The following FOSL2 variants were observed in gnomAD, a reference collection of about 807,000 sequenced individuals.
The protein encoded by FOSL2 is FOS like 2, AP-1 transcription factor subunit.
A neutral mutation model predicts 27.7 loss-of-function variants in FOSL2; 3 were observed. The ratio of observed to expected loss-of-function variants is 0.11; its 90% CI spans 0.05 to 0.28. The LOEUF is 0.28. Among genes scored for constraint, FOSL2 ranks in the 10% least tolerant of loss-of-function variants. FOSL2 has a pLI of 1.00. For missense variants in FOSL2, 333 were observed against 445.1 expected (o/e 0.75, Z 2.27); for synonymous variants, 179 against 190.1 (o/e 0.94, Z 0.48).
At chr2:28,407,531 C>A (rs1664108381) in intron 2 of FOSL2, among the ~76,000 whole-genome samples, 1 of 152,248 alleles carries the variant, frequency 6.6e-6, no homozygotes, top group South Asian at 2.1e-4. Flanking sequence ...CTCTTTCCTT[C>A]ATGGGGTGAC....
At chr2:28,401,595 A>G (rs1663975025) in intron 1 of FOSL2, among the ~76,000 whole-genome samples, 1 of 152,148 alleles carries the variant, frequency 6.6e-6, no homozygotes, top group Admixed American at 6.5e-5. Flanking sequence ...GGAAAAAAAT[A>G]GCTGTCTGGG....
At chr2:28,397,089 T>G (rs1308563842) in intron 1 of FOSL2, 1 of 152,200 alleles carries the variant, frequency 6.6e-6, no homozygotes, top group Non-Finnish European at 1.5e-5. Flanking sequence ...ATGCCACATA[T>G]TTAACCGTGG....
At chr2:28,403,430 G>C (rs990838537) in intron 1 of FOSL2, among the ~76,000 whole-genome samples, 1 of 152,140 alleles carries the variant, frequency 6.6e-6, no homozygotes, top group Non-Finnish European at 1.5e-5. Flanking sequence ...CAGCCAGTCT[G>C]CCCCAAGCAA....
rs939421647 is a variant in FOSL2, at chr2:28,393,595, A to T, written c.-126A>T. 4 of 666,610 alleles carry T rather than the reference A, an allele frequency of 6.0e-6. No homozygotes were observed. Among genetic ancestry groups the T allele is most frequent in the Non-Finnish European group, 1.0e-5 (4 of 391,430 alleles). The allele number at this position is 666,610 out of a possible 1,614,324, so 41.3% of individuals were successfully genotyped here. A position where few individuals can be genotyped will look rare whatever the true frequency, so the allele number is the denominator to read the frequency against. On this transcript the variant is annotated 5_prime_UTR_variant, in exon 1 of 4. Transcript: ENST00000264716. The surrounding 1 kb of genome is among the most constrained non-coding windows in gnomAD (Gnocchi z 4.6). ...GCCCTCCGCGGTGGGGGAGAAACCC[A>T]GGAGCGAAGCCCAGAGCCCGCGGCG...
rs1452008988 is a variant in FOSL2, at chr2:28,404,919, G to GT, written c.354+562dup. ...AGGGCCTGGAATGCATGTTCCAGAG[G>GT]TGCAGTAACTCTGGGGCCTTAGGAG... is the stretch of plus-strand genomic sequence containing the variant. On this transcript the variant is annotated intron_variant, in intron 2 of 3. Coordinates refer to ENST00000264716, the MANE Select transcript of FOSL2 (RefSeq NM_005253.4). The surrounding 1 kb of genome is among the most constrained non-coding windows in gnomAD (Gnocchi z 4.7). Among the ~76,000 whole-genome samples, 1 of 152,194 alleles carries GT rather than the reference G, an allele frequency of 6.6e-6. No individual in the cohort carries two copies. Among genetic ancestry groups the GT allele is most frequent in the Non-Finnish European group, 1.5e-5 (1 of 68,038 alleles).
At chr2:28,401,128 C>G (rs1032830239) in intron 1 of FOSL2, among the ~76,000 whole-genome samples, 4 of 151,862 alleles carry the variant, frequency 2.6e-5, no homozygotes, top group Non-Finnish European at 5.9e-5. Flanking sequence ...GCCTCCTGGG[C>G]AGAGTACACA....
chr2:28,408,351 C>T lies in FOSL2; in HGVS notation c.355-408C>T, dbSNP rs888661363. Among the ~76,000 whole-genome samples the T allele has an allele frequency of 5.3e-5, 8 of 152,170 alleles. No individual in the cohort carries two copies. Among genetic ancestry groups the T allele is most frequent in the Non-Finnish European group, 1.2e-4 (8 of 68,022 alleles). ...GAAATTAGCCAGGGTTTGGAAGAAG[C>T]TGCTTAAGTGGGTGGGGCCACGCCT... is the stretch of plus-strand genomic sequence containing the variant. On this transcript the variant is annotated intron_variant, in intron 2 of 3. Coordinates refer to ENST00000264716, the MANE Select transcript of FOSL2 (RefSeq NM_005253.4). This position sits in a 1 kb window ranked among gnomAD's most constrained non-coding sequence, Gnocchi z 4.1.
rs1399787393 is a variant in FOSL2 at position 28,413,369 on chromosome 2, C to T, written c.*921C>T. 3.0e-5 allele frequency: 12 copies of T among 397,598 alleles called. No individual in the cohort carries two copies. Among genetic ancestry groups the T allele is most frequent in the Middle Eastern group, 6.2e-4 (1 of 1,610 alleles). The allele number at this position is 397,598 out of a possible 1,614,324, so 24.6% of individuals were successfully genotyped here. Reference sequence around the variant, plus strand: ...CTTGCCATTCTGCCCCTGGACCCTTCTCTCCGGACCAGGGAGGCGTCCCTC... The same window carrying T: ...CTTGCCATTCTGCCCCTGGACCCTTTTCTCCGGACCAGGGAGGCGTCCCTC... On this transcript the variant is annotated 3_prime_UTR_variant, in exon 4 of 4. Coordinates refer to ENST00000264716, the MANE Select transcript of FOSL2 (RefSeq NM_005253.4).
chr2:28,410,516 A>G, intron 3 of FOSL2: 1 of 985,142 alleles, frequency 1.0e-6, no homozygotes, highest in Non-Finnish European at 1.2e-6. Flanking sequence ...CCCTTGAGAC[A>G]GACGGAAACT....
chr2:28,393,800 C>G lies in FOSL2; in HGVS notation c.80C>G (p.Ser27Cys), dbSNP rs924334625. The stretch of plus-strand genomic sequence containing the variant: ...TCTCCTGCGCACGCCGAGTCCTACT[C>G]CAGCGGCGGCGGCGGCCAGCAGGTA... ...SGSPAHAESYSSGGGGQQKFR... is the reference protein window; with the variant it reads ...SGSPAHAESYCSGGGGQQKFR... The change falls in exon 1 of 4, where the codon TCC (serine) becomes TGC (cysteine). Residue 27 changes from serine (S) to cysteine (C), a missense_variant. By Grantham distance (112) the Ser-to-Cys change is moderately radical. Transcript: ENST00000264716. The surrounding 1 kb of genome is among the most constrained non-coding windows in gnomAD (Gnocchi z 4.6). The G allele has an allele frequency of 1.9e-6, 3 of 1,601,580 alleles. No homozygotes were observed. The highest frequency in any genetic ancestry group is 2.7e-5 in the African/African-American group (2 of 74,494).
In FOSL2 at chr2:28,393,582, G is replaced by A; in HGVS notation, c.-139G>A. 3.2e-6 allele frequency: 2 copies of A among 618,546 alleles called. No individual in the cohort carries two copies. The highest frequency in any genetic ancestry group is 2.0e-5 in the South Asian group (1 of 48,802). 38.3% of individuals were successfully genotyped at this position (618,546 alleles called of 1,614,324 possible). Reference sequence around the variant, plus strand: ...CCTCCCTGTCCTCGCCCTCCGCGGTGGGGGAGAAACCCAGGAGCGAAGCCC... The same window carrying A: ...CCTCCCTGTCCTCGCCCTCCGCGGTAGGGGAGAAACCCAGGAGCGAAGCCC... On this transcript the variant is annotated 5_prime_UTR_variant, in exon 1 of 4. Transcript: ENST00000264716. This position sits in a 1 kb window ranked among gnomAD's most constrained non-coding sequence, Gnocchi z 4.6.
rs1418402667 is a variant in FOSL2, at chr2:28,408,221, A to G, written c.355-538A>G. ...TCTTGGCCCTCCCATCAGCAACATA[A>G]CATTCCCCCCTGGGTGGTTCTTAAC... is the stretch of plus-strand genomic sequence containing the variant. On this transcript the variant is annotated intron_variant, in intron 2 of 3. Transcript: ENST00000264716. This position sits in a 1 kb window ranked among gnomAD's most constrained non-coding sequence, Gnocchi z 4.1. Among the ~76,000 whole-genome samples the G allele has an allele frequency of 1.3e-5, 2 of 152,114 alleles. No individual in the cohort carries two copies. Among genetic ancestry groups the G allele is most frequent in the African/African-American group, 2.4e-5 (1 of 41,420 alleles).
rs1302893593 is a variant in FOSL2 at position 28,408,554 on chromosome 2, TCAGCTC to T, written c.355-204_355-199del. Among the ~76,000 whole-genome samples, 3 of 152,194 alleles carry T rather than the reference TCAGCTC, an allele frequency of 2.0e-5. No individual in the cohort carries two copies. Among genetic ancestry groups the T allele is most frequent in the African/African-American group, 7.2e-5 (3 of 41,456 alleles). ...TTGGACATCACCTTCCGGGGCAGAT[TCAGCTC>T]AAAAGAGCCCTCCCAGGCAGCCAGA... On this transcript the variant is annotated intron_variant, in intron 2 of 3. Coordinates refer to ENST00000264716, the MANE Select transcript of FOSL2 (RefSeq NM_005253.4). The surrounding 1 kb of genome is among the most constrained non-coding windows in gnomAD (Gnocchi z 4.1).
At chr2:28,394,137 G>C (rs1381600892) in intron 1 of FOSL2, among the ~76,000 whole-genome samples, 10 of 80,920 alleles carry the variant, frequency 1.2e-4, no homozygotes, top group Admixed American at 4.2e-4. Context: ...CCCAGTGTCT[G>C]CCCCCCCCCC....
chr2:28,395,919 C>T (rs1287910282), intron 1 of FOSL2: 2 of 152,148 alleles, frequency 1.3e-5, no homozygotes, highest in African/African-American at 4.8e-5. Flanking sequence ...AAGGACTGAC[C>T]TCAGAGGCTT....
At chr2:28,396,293 G>A (rs756485319) in intron 1 of FOSL2, among the ~76,000 whole-genome samples, 1 of 151,874 alleles carries the variant, frequency 6.6e-6, no homozygotes, top group South Asian at 2.1e-4. Context: ...CTTTGGGGGT[G>A]GGGGGAGCAG....
At chr2:28,395,065 C>T (rs62143061) in intron 1 of FOSL2, among the ~76,000 whole-genome samples, 19,196 of 152,200 alleles carry the variant, frequency 0.13, 1,496 homozygotes, top group Non-Finnish European at 0.18. Flanking sequence ...TTCTGTCTTC[C>T]CTCTGCCTCC....
chr2:28,413,600 G>A lies in FOSL2; in HGVS notation c.*1152G>A. ...GGAGGGAGGCGGGAGGCCGTCACTG[G>A]AGTGGCGTCTGCAGCAGCTGCTGCC... On this transcript the variant is annotated 3_prime_UTR_variant, in exon 4 of 4. Coordinates refer to ENST00000264716, the MANE Select transcript of FOSL2 (RefSeq NM_005253.4). The A allele has an allele frequency of 2.5e-6, 1 of 398,828 alleles. No homozygotes were observed. Among genetic ancestry groups the A allele is most frequent in the Non-Finnish European group, 4.4e-6 (1 of 226,240 alleles). The allele number at this position is 398,828 out of a possible 1,614,324, so 24.7% of individuals were successfully genotyped here. A position where few individuals can be genotyped will look rare whatever the true frequency, so the allele number is the denominator to read the frequency against.
At chr2:28,400,564 C>T (rs1219731792) in intron 1 of FOSL2, among the ~76,000 whole-genome samples, 1 of 152,158 alleles carries the variant, frequency 6.6e-6, no homozygotes, top group Non-Finnish European at 1.5e-5. Flanking sequence ...TATCAGAGCC[C>T]CGGGCCCCTC....
Sources: allele counts gnomAD v4.1 joint callset (sites outside exome capture counted in the v4.1 genomes callset), GRCh38; gene constraint gnomAD v4.1.1; non-coding constraint Gnocchi (gnomAD v3.1); transcripts MANE v1.5; gene names NCBI Gene and HGNC (gene_info 2026-07-23, HGNC 2026-07-21).